RAB5C: variants seen among roughly 807,000 people sequenced by gnomAD.
RAB5C encodes ras-related protein Rab-5C.
Under a neutral mutation model 25.2 loss-of-function variants are expected in RAB5C, and 4 were observed. The ratio of observed to expected loss-of-function variants is 0.16; its 90% CI spans 0.08 to 0.36. The LOEUF is 0.36. Among genes scored for constraint, RAB5C ranks in the 10% least tolerant of loss-of-function variants. RAB5C has a pLI of 1.00. For synonymous variants in RAB5C, 100 were observed against 106.4 expected, an observed-to-expected ratio of 0.94 and a Z score of 0.37; for missense variants, 199 against 283.8, an observed-to-expected ratio of 0.70 and a Z score of 2.15.
At chr17:42,131,233 G>A (rs1467633290) in intron 1 of RAB5C, among the ~76,000 whole-genome samples, 1 of 152,160 alleles carries the variant, frequency 6.6e-6, no homozygotes, top group Non-Finnish European at 1.5e-5. Context: ...TGGACTGTGT[G>A]CCTCTGTGCA....
rs561684936 is a variant in RAB5C at position 42,144,382 on chromosome 17, C to T, written c.-89+10511G>A. ...TCAGGCAGGAGAATCGCTTGAACCC[C>T]GGAGGTGGAGGTTGCAGTGAGCCAA... is the stretch of plus-strand genomic sequence containing the variant. On this transcript the variant is annotated intron_variant, in intron 1 of 5. Coordinates refer to ENST00000346213, the MANE Select transcript of RAB5C (RefSeq NM_004583.4). Among the ~76,000 whole-genome samples the T allele has an allele frequency of 1.4e-4, 21 of 152,002 alleles. No individual in the cohort carries two copies. In the East Asian group the frequency reaches 3.5e-3, roughly 25 times the overall value.
chr17:42,127,880 G>A (rs1177425083), intron 4 of RAB5C, among the ~76,000 whole-genome samples: 2 of 150,732 alleles, frequency 1.3e-5, no homozygotes, highest in Middle Eastern at 3.4e-3. Context: ...AGGCTGGAGT[G>A]CAGTGTTGCA....
chr17:42,145,172 C>CA (rs533088375), intron 1 of RAB5C, among the ~76,000 whole-genome samples: 15 of 150,014 alleles, frequency 1.0e-4, no homozygotes, highest in South Asian at 4.3e-4. Flanking sequence ...GACTCCATCT[C>CA]AAAAAAAACA....
chr17:42,128,665 T>C lies in RAB5C; in HGVS notation c.302A>G (p.Tyr101Cys), dbSNP rs753989755. ...AATCTTTACTGTGTTGGTGATGTCA[T>C]AGACCACGATGGCAGCCTGGGCCCC... ...YRGAQAAIVV[Y>C]DITNTDTFAR... Residue 101 changes from tyrosine (Y) to cysteine (C), a missense_variant, in exon 3 of 6, where the codon TAT (tyrosine) becomes TGT (cysteine). By Grantham distance (194) the Tyr-to-Cys change is radical. This residue lies in a region of RAB5C where 154 missense variants were observed against 199.6 expected (regional missense o/e 0.77). Coordinates refer to ENST00000346213, the MANE Select transcript of RAB5C (RefSeq NM_004583.4). The C allele has an allele frequency of 4.0e-6, 6 of 1,496,240 alleles. No individual in the cohort carries two copies. The highest frequency in any genetic ancestry group is 5.3e-6 in the Non-Finnish European group (6 of 1,124,036). The allele number at this position is 1,496,240 out of a possible 1,614,324, so 92.7% of individuals were successfully genotyped here.
intron 1 of RAB5C, among the ~76,000 whole-genome samples, chr17:42,135,455 G>A (rs1384035992): frequency 1.3e-5 from 2 of 152,060 alleles, no homozygotes; most frequent in South Asian, 2.1e-4. Flanking sequence ...AGAATCTCTA[G>A]AGGTGGAGTC....
At chr17:42,154,031 T>C (rs960496185) in intron 1 of RAB5C, among the ~76,000 whole-genome samples, 22 of 152,090 alleles carry the variant, frequency 1.4e-4, no homozygotes, top group Non-Finnish European at 1.5e-5. Context: ...TGGGTCTTAT[T>C]CTCCTCCCTA....
At chr17:42,132,545 T>G (rs74668676) in intron 1 of RAB5C, among the ~76,000 whole-genome samples, 2 of 151,002 alleles carry the variant, frequency 1.3e-5, no homozygotes, top group African/African-American at 4.9e-5. Flanking sequence ...AGGAAATAAT[T>G]TTTTTTTTTA....
At chr17:42,138,494 C>T (rs1238993199) in intron 1 of RAB5C, among the ~76,000 whole-genome samples, 1 of 152,222 alleles carries the variant, frequency 6.6e-6, no homozygotes. Context: ...TCCACAGCCA[C>T]AGGAAGATGA....
At chr17:42,128,530 T>TGGGGGGGGGGGGGGGGGGG in intron 3 of RAB5C, 119 bp downstream of exon 3, 2 of 730,800 alleles carry the variant, frequency 2.7e-6, no homozygotes, top group Non-Finnish European at 2.1e-6. Flanking sequence ...ACAGGAAATC[T>TGGGGGGGGGGGGGGGGGGG]GCCCACCCCC....
intron 1 of RAB5C, among the ~76,000 whole-genome samples, chr17:42,148,715 T>A (rs2079652151): frequency 1.3e-5 from 2 of 152,196 alleles, no homozygotes; most frequent in Non-Finnish European, 2.9e-5. Context: ...CAAACTGAGC[T>A]TTGAGAGAAA....
chr17:42,132,746 C>T (rs2054499094), intron 1 of RAB5C, among the ~76,000 whole-genome samples: 1 of 151,944 alleles, frequency 6.6e-6, no homozygotes, highest in South Asian at 2.1e-4. Context: ...GTTGCCCAGG[C>T]TGGTCTCCAA....
chr17:42,145,864 G>A (rs1169318271), intron 1 of RAB5C, among the ~76,000 whole-genome samples: 1 of 152,210 alleles, frequency 6.6e-6, no homozygotes, highest in Non-Finnish European at 1.5e-5. Context: ...CTGGAGCACA[G>A]TGACACGATG....
chr17:42,152,918 C>T (rs1425432624), intron 1 of RAB5C, among the ~76,000 whole-genome samples: 1 of 152,208 alleles, frequency 6.6e-6, no homozygotes, highest in Non-Finnish European at 1.5e-5. Flanking sequence ...CTCCTGAAGA[C>T]CTAAGTCTGG....
intron 1 of RAB5C, among the ~76,000 whole-genome samples, chr17:42,143,204 T>G (rs1346558185): frequency 6.6e-6 from 1 of 152,118 alleles, no homozygotes. Context: ...CTCTAGTAAC[T>G]ATGACTAACC....
At chr17:42,139,163 A>C (rs2054566525) in intron 1 of RAB5C, among the ~76,000 whole-genome samples, 1 of 152,204 alleles carries the variant, frequency 6.6e-6, no homozygotes, top group Non-Finnish European at 1.5e-5. Flanking sequence ...GGACATCTCC[A>C]TGGATCTGCT....
At position 42,145,138 on chromosome 17, in the gene RAB5C, AC is replaced by A. The variant is rs1473547551; in HGVS notation, c.-89+9754del. On this transcript the variant is annotated intron_variant, in intron 1 of 5. Transcript: ENST00000346213. ...CAGTGAGCCGAGATTGCGCCACTGC[AC>A]TCCAGCCTGGGCGATGGAGTGAGAC... 4.6e-5 allele frequency among the ~76,000 whole-genome samples: 7 copies of A among 150,622 alleles called. No homozygotes were observed. In the East Asian group the frequency reaches 7.9e-4, roughly 17 times the overall value.
intron 1 of RAB5C, among the ~76,000 whole-genome samples, chr17:42,142,281 C>G (rs963429101): frequency 1.3e-5 from 2 of 152,014 alleles, no homozygotes; most frequent in Non-Finnish European, 2.9e-5. Flanking sequence ...GCAATCCCCC[C>G]GCCTTGGCCT....
At chr17:42,128,110 T>A (rs1306710786) in intron 4 of RAB5C, 151 bp downstream of exon 4, 16 of 1,134,208 alleles carry the variant, frequency 1.4e-5, no homozygotes, top group Non-Finnish European at 1.9e-5. Flanking sequence ...AGGAGCCATG[T>A]TAGGCCCATG....
chr17:42,126,832 G>C lies in RAB5C; in HGVS notation c.458C>G (p.Ala153Gly). The C allele has an allele frequency of 1.2e-6, 2 of 1,611,772 alleles. No homozygotes were observed. Among genetic ancestry groups the C allele is most frequent in the South Asian group, 2.2e-5 (2 of 90,978 alleles). Residue 153 changes from alanine (A) to glycine (G), a missense_variant, in exon 5 of 6, where the codon GCA becomes GGA. By Grantham distance (60) the Ala-to-Gly change is moderately conservative. Transcript: ENST00000346213. ...CATGAACAGCAAACTGTTGTCGTCTGCATAGGCTTGTGCTTCCTGGTTTGG... is the reference window on the plus strand; with the variant it reads ...CATGAACAGCAAACTGTTGTCGTCTCCATAGGCTTGTGCTTCCTGGTTTGG... ...AVEFQEAQAYADDNSLLFMET... is the reference protein window; with the variant it reads ...AVEFQEAQAYGDDNSLLFMET...
Sources: gnomAD v4.1 joint callset for allele counts (sites outside exome capture counted in the v4.1 genomes callset) on GRCh38, gnomAD v4.1.1 for gene constraint, gnomAD v4.1.1 regional missense constraint, MANE v1.5 for transcripts, NCBI Gene and HGNC (gene_info 2026-07-23, HGNC 2026-07-21) for gene names.